Variants in RYR2 observed in about 807,000 individuals in gnomAD.
RYR2 encodes cardiac muscle ryanodine receptor-calcium release channel.
In RYR2, 227 loss-of-function variants were observed where a neutral mutation model predicts 601.1. The observed-to-expected ratio is 0.38, with a 90% CI of 0.34 to 0.42. The LOEUF (loss-of-function observed/expected upper bound fraction) is 0.42, where lower values mean the gene tolerates loss of function less well. Among genes scored for constraint, RYR2 ranks in the 10% least tolerant of loss-of-function variants. The pLI is 1.00. For synonymous variants in RYR2, 2,223 were observed against 2,175.1 expected (o/e 1.02, Z -0.61); for missense variants, 4,646 against 6,156.5 (o/e 0.75, Z 8.21).
At chr1:237,779,349 A>G (rs1694914031) in intron 88 of RYR2, among the ~76,000 whole-genome samples, 1 of 152,222 alleles carries the variant, frequency 6.6e-6, no homozygotes, top group African/African-American at 2.4e-5. Context: ...TTGTTTGCTC[A>G]CTGCTGTATT....
intron 63 of RYR2, among the ~76,000 whole-genome samples, chr1:237,698,489 G>T (rs1344204730): frequency 6.6e-6 from 1 of 151,886 alleles, no homozygotes; most frequent in East Asian, 1.9e-4. Flanking sequence ...TTCATGCAAT[G>T]GAATTCAGGC....
intron 2 of RYR2, among the ~76,000 whole-genome samples, chr1:237,298,986 T>A (rs1175202341): frequency 2.6e-5 from 4 of 152,110 alleles, no homozygotes; most frequent in African/African-American, 9.7e-5. Flanking sequence ...AAAGTGAGAC[T>A]CCCCTCTCTA....
intron 1 of RYR2, among the ~76,000 whole-genome samples, chr1:237,147,374 T>C (rs1297483562): frequency 1.3e-5 from 2 of 152,120 alleles, no homozygotes; most frequent in Non-Finnish European, 2.9e-5. Context: ...ATACCAACAG[T>C]ATCCAATGAA....
chr1:237,459,433 G>T (rs917302892), intron 16 of RYR2, among the ~76,000 whole-genome samples: 1 of 152,166 alleles, frequency 6.6e-6, no homozygotes, highest in Non-Finnish European at 1.5e-5. Context: ...AGAATTTCAT[G>T]TATGAATGTT....
chr1:237,307,727 T>C (rs1248079659), intron 2 of RYR2, among the ~76,000 whole-genome samples: 1 of 152,232 alleles, frequency 6.6e-6, no homozygotes, highest in African/African-American at 2.4e-5. Flanking sequence ...CTGAAAATTA[T>C]GGCTCTCAGG....
At chr1:237,739,875 C>T (rs1044916845) in intron 79 of RYR2, among the ~76,000 whole-genome samples, 1 of 152,204 alleles carries the variant, frequency 6.6e-6, no homozygotes, top group Non-Finnish European at 1.5e-5. Context: ...GAAGAGCCCT[C>T]ATTACTGTGT....
At chr1:237,530,652 T>C in intron 25 of RYR2, 142 bp downstream of exon 25, 2 of 665,210 alleles carry the variant, frequency 3.0e-6, no homozygotes, top group South Asian at 1.7e-5. Flanking sequence ...GGCTCACACC[T>C]TAATCCCAGC....
chr1:237,713,860 T>C (rs955727769), intron 71 of RYR2, among the ~76,000 whole-genome samples: 3 of 152,134 alleles, frequency 2.0e-5, no homozygotes, highest in Admixed American at 6.5e-5. Context: ...TGTTGAAATG[T>C]AATCACAGGC....
chr1:237,167,842 C>T (rs80125085), intron 1 of RYR2, among the ~76,000 whole-genome samples: 13,701 of 151,390 alleles, frequency 0.091, 685 homozygotes, highest in East Asian at 0.14. Context: ...TCCTCTTGTC[C>T]CGGCTTTCAG....
intron 21 of RYR2, among the ~76,000 whole-genome samples, chr1:237,501,172 G>GTTTTT (rs58106054): frequency 1.6e-4 from 20 of 128,022 alleles, no homozygotes; most frequent in African/African-American, 5.0e-4. Context: ...ATTTCAAGGT[G>GTTTTT]TTTTTTTTTT....
chr1:237,207,586 C>T (rs1193869229), intron 1 of RYR2, among the ~76,000 whole-genome samples: 1 of 152,162 alleles, frequency 6.6e-6, no homozygotes, highest in Non-Finnish European at 1.5e-5. Context: ...CTTCTTTTGC[C>T]CTTCTGCCTT....
In RYR2 at chr1:237,295,764, A is replaced by T. The variant is rs74417965; in HGVS notation, c.168+25148A>T. 1.8e-4 allele frequency among the ~76,000 whole-genome samples: 28 copies of T among 152,332 alleles called. 1 individual carries two copies. In the East Asian group the frequency reaches 5.4e-3, roughly 29 times the overall value. ...AAAAAGGAAAAAATATTGCCATAAAATTCATACAGGTTTAGTGTATATTTA... is the reference window on the plus strand; with the variant it reads ...AAAAAGGAAAAAATATTGCCATAAATTTCATACAGGTTTAGTGTATATTTA... On this transcript the variant is annotated intron_variant, in intron 2 of 104. Transcript: ENST00000366574.
chr1:237,636,756 T>G (rs1230737625), intron 44 of RYR2, among the ~76,000 whole-genome samples: 1 of 152,216 alleles, frequency 6.6e-6, no homozygotes, highest in East Asian at 1.9e-4. Context: ...TTATTCGTCA[T>G]AGCCAAAAAG....
chr1:237,374,649 C>T lies in RYR2; in HGVS notation c.385-68C>T. ...CTTCCAGCCTGAGCTACAGAGCAAC[C>T]TTGTCTCAAACACAAACAACAGACG... On this transcript the variant is annotated intron_variant, in intron 6 of 104. Coordinates refer to ENST00000366574, the MANE Select transcript of RYR2 (RefSeq NM_001035.3). 3.7e-6 allele frequency: 5 copies of T among 1,335,928 alleles called. No homozygotes were observed. In the South Asian group the frequency reaches 5.0e-5, roughly 13 times the overall value. The allele number at this position is 1,335,928 out of a possible 1,614,324, so 82.8% of individuals were successfully genotyped here. A position where few individuals can be genotyped will look rare whatever the true frequency, so the allele number is the denominator to read the frequency against.
chr1:237,210,221 T>A (rs544216419), intron 1 of RYR2, among the ~76,000 whole-genome samples: 5 of 152,188 alleles, frequency 3.3e-5, no homozygotes, highest in Admixed American at 6.5e-5. Context: ...AACTCTTTTT[T>A]AAAAAAATTT....
chr1:237,220,304 C>T (rs544967168), intron 1 of RYR2, among the ~76,000 whole-genome samples: 18 of 152,352 alleles, frequency 1.2e-4, no homozygotes, highest in East Asian at 1.2e-3. Context: ...TTTTCTCCTC[C>T]GGCCTTTGGA....
At chr1:237,687,400 T>TA in intron 62 of RYR2, 55 bp from the exon 63 acceptor site, 2 of 923,770 alleles carry the variant, frequency 2.2e-6, no homozygotes, top group Non-Finnish European at 3.4e-6. Flanking sequence ...CCCCCTGTCT[T>TA]TTCTACCTTC....
In RYR2 at chr1:237,610,102, G is replaced by T. The variant is rs1054493249; in HGVS notation, c.4684-660G>T. On this transcript the variant is annotated intron_variant, in intron 35 of 104. Coordinates refer to ENST00000366574, the MANE Select transcript of RYR2 (RefSeq NM_001035.3). The surrounding 1 kb of genome is among the most constrained non-coding windows in gnomAD (Gnocchi z 4.9). Reference sequence around the variant, plus strand: ...CCCATAAGAGGCAGGCATCGGTGTTGTCAAGATCATAGATAAATGAAGAAA... The same window carrying T: ...CCCATAAGAGGCAGGCATCGGTGTTTTCAAGATCATAGATAAATGAAGAAA... Among the ~76,000 whole-genome samples the T allele has an allele frequency of 1.3e-5, 2 of 152,156 alleles. No homozygotes were observed. Among genetic ancestry groups the T allele is most frequent in the Non-Finnish European group, 2.9e-5 (2 of 68,038 alleles).
chr1:237,249,772 A>G (rs187104105), intron 1 of RYR2, among the ~76,000 whole-genome samples: 169 of 152,148 alleles, frequency 1.1e-3, no homozygotes, highest in African/African-American at 3.9e-3. Flanking sequence ...TATTGGTTTT[A>G]TTTTTAAATT....
Sources: allele counts gnomAD v4.1 joint callset (sites outside exome capture counted in the v4.1 genomes callset), GRCh38; gene constraint gnomAD v4.1.1; non-coding constraint Gnocchi (gnomAD v3.1); transcripts MANE v1.5; gene names NCBI Gene and HGNC (gene_info 2026-07-23, HGNC 2026-07-21).